Variants in OTUD7A observed in about 807,000 individuals in gnomAD.
OTUD7A encodes the protein OTU deubiquitinase 7A, also known as OTU domain-containing protein 7A.
Under a neutral mutation model 65.7 loss-of-function variants are expected in OTUD7A, and 12 were observed. The ratio of observed to expected loss-of-function variants is 0.18; its 90% confidence interval spans 0.12 to 0.30. The LOEUF (loss-of-function observed/expected upper bound fraction) is 0.30. OTUD7A is among the 10% of genes least tolerant of loss of function. The pLI, the probability that OTUD7A is intolerant of heterozygous loss-of-function variation, is 1.00. For synonymous variants in OTUD7A, 641 were observed against 586.3 expected (o/e 1.09, Z -1.35); for missense variants, 1,148 against 1,304.8 (o/e 0.88, Z 1.85).
At chr15:31,847,117 A>C (rs1255061936) in intron 1 of OTUD7A, among the ~76,000 whole-genome samples, 1 of 152,222 alleles carries the variant, frequency 6.6e-6, no homozygotes, top group Non-Finnish European at 1.5e-5. Flanking sequence ...ATGGGCCTGC[A>C]AGGGGCTAGC....
chr15:31,669,141 A>G (rs1051820222), intron 1 of OTUD7A, among the ~76,000 whole-genome samples: 1 of 152,130 alleles, frequency 6.6e-6, no homozygotes, highest in African/African-American at 2.4e-5. Context: ...CTGCCAGGAG[A>G]TGGCACTTTC....
intron 1 of OTUD7A, among the ~76,000 whole-genome samples, chr15:31,843,368 AAC>A (rs1897230755): frequency 6.6e-6 from 1 of 150,480 alleles, no homozygotes; most frequent in Non-Finnish European, 1.5e-5. Flanking sequence ...ATTAAGCCTT[AAC>A]ACAGTCAGTC....
intron 12 of OTUD7A, among the ~76,000 whole-genome samples, chr15:31,485,987 G>A (rs1412843636): frequency 6.6e-6 from 1 of 152,154 alleles, no homozygotes; most frequent in East Asian, 1.9e-4. Context: ...ACTAAAGGGT[G>A]GACACTCGGG....
chr15:31,732,144 T>A (rs933565897), intron 1 of OTUD7A, among the ~76,000 whole-genome samples: 1 of 152,220 alleles, frequency 6.6e-6, no homozygotes, highest in Non-Finnish European at 1.5e-5. Context: ...CTACACTTCA[T>A]GGCCTTTTCC....
intron 4 of OTUD7A, among the ~76,000 whole-genome samples, chr15:31,564,110 T>TA (rs5811651): frequency 1.3e-5 from 2 of 151,644 alleles, no homozygotes; most frequent in Admixed American, 6.6e-5. Flanking sequence ...AACTTGGGAT[T>TA]AAAAAAAATG....
At chr15:31,708,892 A>G (rs1893367196) in intron 1 of OTUD7A, among the ~76,000 whole-genome samples, 1 of 151,402 alleles carries the variant, frequency 6.6e-6, no homozygotes, top group Admixed American at 6.6e-5. Context: ...AGTGAGAGAT[A>G]CAGGTGGCCT....
chr15:31,528,199 G>T (rs1476502357), intron 6 of OTUD7A, among the ~76,000 whole-genome samples: 5 of 152,236 alleles, frequency 3.3e-5, no homozygotes, highest in African/African-American at 1.2e-4. Context: ...CGATGTTGAG[G>T]GTGGCAGCCC....
intron 8 of OTUD7A, among the ~76,000 whole-genome samples, chr15:31,516,797 C>T (rs879896677): frequency 2.0e-5 from 3 of 152,188 alleles, no homozygotes; most frequent in African/African-American, 4.8e-5. Flanking sequence ...GATCTCTCTG[C>T]CTGAATCTTA....
chr15:31,773,468 G>A (rs1895292972), intron 1 of OTUD7A, among the ~76,000 whole-genome samples: 1 of 152,160 alleles, frequency 6.6e-6, no homozygotes, highest in African/African-American at 2.4e-5. Flanking sequence ...TGGAATGTCT[G>A]GGGTCCCCGT....
chr15:31,846,230 C>T (rs1484044984), intron 1 of OTUD7A, among the ~76,000 whole-genome samples: 1 of 152,250 alleles, frequency 6.6e-6, no homozygotes, highest in Non-Finnish European at 1.5e-5. Flanking sequence ...CAGATATGAT[C>T]AACATGACTC....
At chr15:31,729,163 A>T (rs1285100570) in intron 1 of OTUD7A, among the ~76,000 whole-genome samples, 1 of 152,212 alleles carries the variant, frequency 6.6e-6, no homozygotes, top group African/African-American at 2.4e-5. Flanking sequence ...ATGCAGAAAA[A>T]AAGTTAGTAT....
At chr15:31,709,114 G>A (rs557109160) in intron 1 of OTUD7A, among the ~76,000 whole-genome samples, 5 of 151,680 alleles carry the variant, frequency 3.3e-5, no homozygotes, top group African/African-American at 1.2e-4. Flanking sequence ...CCCAGGTCGT[G>A]CCCAGGAAGA....
chr15:31,869,158 A>G (rs942189367), intron 1 of OTUD7A, among the ~76,000 whole-genome samples: 35 of 152,232 alleles, frequency 2.3e-4, no homozygotes, highest in African/African-American at 8.4e-4. Flanking sequence ...CAATAAAATA[A>G]TGGAGTGTTG....
At chr15:31,634,951 G>A (rs1198125968) in intron 3 of OTUD7A, among the ~76,000 whole-genome samples, 2 of 152,186 alleles carry the variant, frequency 1.3e-5, no homozygotes, top group South Asian at 2.1e-4. Context: ...TCTGGAACCT[G>A]CCTCTGGCAC....
chr15:31,634,727 C>A (rs1891286915), intron 3 of OTUD7A, among the ~76,000 whole-genome samples: 1 of 152,262 alleles, frequency 6.6e-6, no homozygotes, highest in Non-Finnish European at 1.5e-5. Context: ...GAGTCCCGTT[C>A]CCCTGTGCTT....
intron 1 of OTUD7A, among the ~76,000 whole-genome samples, chr15:31,681,734 A>G (rs1190403385): frequency 2.0e-5 from 3 of 150,890 alleles, no homozygotes; most frequent in Non-Finnish European, 2.9e-5. Flanking sequence ...GACACAGAGC[A>G]GAGCCTCACT....
intron 1 of OTUD7A, among the ~76,000 whole-genome samples, chr15:31,693,421 A>G (rs1040823040): frequency 5.9e-5 from 9 of 152,128 alleles, no homozygotes; most frequent in Admixed American, 2.0e-4. Context: ...GGAGGGGGGT[A>G]AGGCTATCAG....
In OTUD7A at chr15:31,670,126, G is replaced by A. The variant is rs558442141; in HGVS notation, c.-99-13049C>T. On this transcript the variant is annotated intron_variant, in intron 1 of 12. Transcript: ENST00000307050. ...ACGATGCAAGCCTCGGAATGCTGCT[G>A]TGTCCATCTGAGTCAGAGCCATGAA... 2.8e-4 allele frequency among the ~76,000 whole-genome samples: 42 copies of A among 149,026 alleles called. No homozygotes were observed. In the South Asian group the frequency reaches 8.3e-3, roughly 30 times the overall value.
At chr15:31,769,452 C>T (rs942840711) in intron 1 of OTUD7A, among the ~76,000 whole-genome samples, 1 of 152,208 alleles carries the variant, frequency 6.6e-6, no homozygotes, top group African/African-American at 2.4e-5. Context: ...ACAGCAATCT[C>T]ATTCATAGAT....
Sources: gnomAD v4.1 joint callset for allele counts (sites outside exome capture counted in the v4.1 genomes callset) on GRCh38, gnomAD v4.1.1 for gene constraint, MANE v1.5 for transcripts, NCBI Gene and HGNC (gene_info 2026-07-23, HGNC 2026-07-21) for gene names.